Variants in DOCK10 observed in about 807,000 individuals in gnomAD.
DOCK10 encodes the protein dedicator of cytokinesis protein 10.
Under a neutral mutation model 280.1 loss-of-function variants are expected in DOCK10, and 145 were observed. The ratio of observed to expected loss-of-function variants is 0.52; its 90% CI spans 0.45 to 0.59. DOCK10 has a LOEUF of 0.59. Ranked by LOEUF, DOCK10 falls within the 20% of genes least tolerant of loss-of-function variation. The probability of loss-of-function intolerance (pLI) is 0.00; values close to 1 mark genes in which losing one functional copy is unlikely to be tolerated. For synonymous variants in DOCK10, 915 were observed against 942.2 expected (o/e 0.97, Z 0.53); for missense variants, 2,368 against 2,651.7 (o/e 0.89, Z 2.35).
intron 1 of DOCK10, among the ~76,000 whole-genome samples, chr2:224,994,258 A>C (rs750023474): frequency 6.6e-6 from 1 of 152,240 alleles, no homozygotes; most frequent in Non-Finnish European, 1.5e-5. Context: ...AGAAAAAGTC[A>C]GCCTGGATTT....
intron 2 of DOCK10, among the ~76,000 whole-genome samples, chr2:224,925,935 C>T (rs536760119): frequency 1.3e-5 from 2 of 152,202 alleles, no homozygotes; most frequent in East Asian, 3.9e-4. Context: ...GCTTTCTTTT[C>T]TTACTTTCTT....
intron 16 of DOCK10, among the ~76,000 whole-genome samples, chr2:224,854,296 A>T (rs1696956646): frequency 6.6e-6 from 1 of 152,058 alleles, no homozygotes; most frequent in Admixed American, 6.6e-5. Context: ...CAATTTTACC[A>T]CTTAAAAATT....
intron 3 of DOCK10, among the ~76,000 whole-genome samples, chr2:224,905,296 G>A (rs1264635305): frequency 1.5e-5 from 2 of 133,382 alleles, no homozygotes; most frequent in East Asian, 4.0e-4. Flanking sequence ...GCCGGACTGC[G>A]GACTGCAGCG....
intron 55 of DOCK10, chr2:224,768,848 A>G (rs894390179): frequency 6.6e-6 from 3 of 456,072 alleles, no homozygotes; most frequent in Admixed American, 4.7e-5. Context: ...AGGACAGAGT[A>G]GACATAAAGA....
intron 31 of DOCK10, among the ~76,000 whole-genome samples, chr2:224,811,807 A>G (rs1441871010): frequency 1.3e-5 from 2 of 150,886 alleles, no homozygotes; most frequent in Non-Finnish European, 3.0e-5. Flanking sequence ...GATATGCGGC[A>G]TTATTTCTGA....
chr2:224,951,445 T>C (rs926551201), intron 1 of DOCK10, among the ~76,000 whole-genome samples: 1 of 152,172 alleles, frequency 6.6e-6, no homozygotes, highest in African/African-American at 2.4e-5. Flanking sequence ...TCCCATGGTG[T>C]CCAGTCAGAA....
At chr2:224,864,396 G>T (rs1422159548) in intron 13 of DOCK10, among the ~76,000 whole-genome samples, 157 bp downstream of exon 13, 1 of 152,102 alleles carries the variant, frequency 6.6e-6, no homozygotes, top group Non-Finnish European at 1.5e-5. Context: ...TCTAATCCCA[G>T]CTACTGGGGA....
chr2:225,015,603 C>T (rs569544590), intron 1 of DOCK10, among the ~76,000 whole-genome samples: 5 of 152,284 alleles, frequency 3.3e-5, no homozygotes, highest in South Asian at 4.1e-4. Flanking sequence ...GCAGGCAGCT[C>T]GGCCATGGCT....
At chr2:224,878,732 A>G (rs1437680592) in intron 7 of DOCK10, among the ~76,000 whole-genome samples, 1 of 152,248 alleles carries the variant, frequency 6.6e-6, no homozygotes, top group Non-Finnish European at 1.5e-5. Flanking sequence ...ACTTCCAAGG[A>G]TGAGCCCTTT....
chr2:224,972,672 G>A (rs556078059), intron 1 of DOCK10, among the ~76,000 whole-genome samples: 4 of 152,146 alleles, frequency 2.6e-5, no homozygotes, highest in South Asian at 2.1e-4. Context: ...CCTGATTTTC[G>A]ACTTTTCTTT....
chr2:224,971,811 T>C (rs1247350778), intron 1 of DOCK10, among the ~76,000 whole-genome samples: 1 of 152,210 alleles, frequency 6.6e-6, no homozygotes, highest in Non-Finnish European at 1.5e-5. Flanking sequence ...AGCATCCAAA[T>C]TGAAATGTGT....
rs1559536142 is a variant in DOCK10, at chr2:224,841,971, G to A, written c.2569-75C>T. The A allele has an allele frequency of 2.4e-4, 256 of 1,066,110 alleles. 3 individuals carry two copies. The South Asian group carries it at 3.1e-3, about 13-fold the overall frequency. 66.0% of individuals were successfully genotyped at this position (1,066,110 alleles called of 1,614,324 possible). On this transcript the variant is annotated intron_variant, in intron 22 of 55. Transcript: ENST00000258390. ...TTACAAACACAAACCACTGTGATGT[G>A]AGGTAAGCATTTCTGTAGGATTGAT...
chr2:224,908,674 T>A (rs376356871), intron 3 of DOCK10, among the ~76,000 whole-genome samples: 1 of 152,140 alleles, frequency 6.6e-6, no homozygotes, highest in East Asian at 1.9e-4. Flanking sequence ...TTAAAAAGTT[T>A]TTTTTAGAGA....
chr2:224,931,066 T>A (rs536157209), intron 2 of DOCK10, among the ~76,000 whole-genome samples: 75 of 152,342 alleles, frequency 4.9e-4, no homozygotes, highest in African/African-American at 1.8e-3. Flanking sequence ...ATGAAGATGT[T>A]CTAGCCTACC....
intron 19 of DOCK10, among the ~76,000 whole-genome samples, chr2:224,848,472 G>A (rs1696513438): frequency 6.6e-6 from 1 of 152,210 alleles, no homozygotes; most frequent in Non-Finnish European, 1.5e-5. Context: ...ATGTGTTAGA[G>A]CAGAATGGTG....
intron 1 of DOCK10, among the ~76,000 whole-genome samples, chr2:225,031,117 G>C (rs1690062648): frequency 6.6e-6 from 1 of 152,180 alleles, no homozygotes; most frequent in Admixed American, 6.5e-5. Flanking sequence ...CAGAGTATCA[G>C]AAGTGTAAGG....
intron 1 of DOCK10, among the ~76,000 whole-genome samples, chr2:224,938,788 A>G (rs1315121133): frequency 6.6e-6 from 1 of 152,214 alleles, no homozygotes; most frequent in Non-Finnish European, 1.5e-5. Flanking sequence ...GCACGGCCGC[A>G]GCTGTCAGCC....
chr2:225,039,912 TC>T (rs374039850), intron 1 of DOCK10, among the ~76,000 whole-genome samples: 110 of 152,308 alleles, frequency 7.2e-4, no homozygotes, highest in African/African-American at 2.6e-3. Context: ...AGCAGGAGTT[TC>T]TAGTCTCTTT....
intron 27 of DOCK10, among the ~76,000 whole-genome samples, chr2:224,827,420 G>C (rs993353489): frequency 2.6e-5 from 4 of 152,068 alleles, no homozygotes; most frequent in African/African-American, 9.7e-5. Flanking sequence ...ACCTCAATCG[G>C]GGAAGATAAA....
Sources: allele counts gnomAD v4.1 joint callset (sites outside exome capture counted in the v4.1 genomes callset), GRCh38; gene constraint gnomAD v4.1.1; transcripts MANE v1.5; gene names NCBI Gene and HGNC (gene_info 2026-07-23, HGNC 2026-07-21).